The following CD8B2 variants were observed in gnomAD, a reference collection of about 807,000 sequenced individuals.
The protein encoded by CD8B2 is T-cell surface glycoprotein CD8 beta-2 chain.
Under a neutral mutation model 23.7 loss-of-function variants are expected in CD8B2, and 11 were observed. That is an observed-to-expected ratio of 0.46 (90% CI 0.29 to 0.77). CD8B2 has a LOEUF of 0.77. Ranked by LOEUF, CD8B2 falls within the 30% of genes least tolerant of loss-of-function variation. The pLI is 0.09. For missense variants in CD8B2, 197 were observed against 270.5 expected (o/e 0.73, Z 1.91); for synonymous variants, 90 against 109.3 (o/e 0.82, Z 1.10).
At chr2:106,531,593 C>A (rs532658546) in intron 5 of CD8B2, among the ~76,000 whole-genome samples, 2 of 152,234 alleles carry the variant, frequency 1.3e-5, no homozygotes, top group South Asian at 4.1e-4. Flanking sequence ...GTGAGCCTCT[C>A]AAGCCTGGTT....
chr2:106,488,979 T>C (rs1259033348), intron 1 of CD8B2, among the ~76,000 whole-genome samples: 1 of 151,406 alleles, frequency 6.6e-6, no homozygotes, highest in Non-Finnish European at 1.5e-5. Context: ...TTCCTTCTTG[T>C]TTTTATTTTT....
intron 5 of CD8B2, among the ~76,000 whole-genome samples, chr2:106,540,570 CTT>C (rs762740462): frequency 6.8e-6 from 1 of 146,612 alleles, no homozygotes. Context: ...CCAAATACTC[CTT>C]TTTTTTTTTT....
At position 106,510,308 on chromosome 2, in the gene CD8B2, A is replaced by G. The variant is rs1431438035; in HGVS notation, c.*3368A>G. ...TGTGTTTCATTAGTAAAAGTCATCA[A>G]GCTGTACACTCAGATATGTTGACTT... On this transcript the variant is annotated 3_prime_UTR_variant, in exon 6 of 6. Coordinates refer to ENST00000643224, the MANE Select transcript of CD8B2 (RefSeq NM_001349727.2). The G allele has an allele frequency of 6.6e-6, 1 of 152,228 alleles. No individual in the cohort carries two copies. The highest frequency in any genetic ancestry group is 1.9e-4 in the East Asian group (1 of 5,194). 9.4% of individuals were successfully genotyped at this position (152,228 alleles called of 1,614,324 possible).
At chr2:106,530,085 C>T (rs910705551) in intron 5 of CD8B2, among the ~76,000 whole-genome samples, 7 of 152,226 alleles carry the variant, frequency 4.6e-5, no homozygotes, top group Non-Finnish European at 1.0e-4. Flanking sequence ...TGGATGCCAG[C>T]ATGGCTCTGC....
chr2:106,494,156 CTT>C (rs58958773), intron 2 of CD8B2, among the ~76,000 whole-genome samples: 22 of 144,164 alleles, frequency 1.5e-4, no homozygotes, highest in Non-Finnish European at 1.7e-4. Flanking sequence ...CCCCCAACAC[CTT>C]TTTTTTTTTT....
intron 1 of CD8B2, among the ~76,000 whole-genome samples, chr2:106,488,571 C>T (rs1434073058): frequency 6.6e-6 from 1 of 152,208 alleles, no homozygotes. Flanking sequence ...TGCAGCCCCA[C>T]TGTGTGCTCG....
chr2:106,530,871 CCTT>C (rs1225349089), intron 5 of CD8B2, among the ~76,000 whole-genome samples: 5 of 152,242 alleles, frequency 3.3e-5, no homozygotes, highest in Non-Finnish European at 5.9e-5. Flanking sequence ...CCCACCAGCT[CCTT>C]GACAGTTTAC....
At chr2:106,538,218 G>C (rs1680118294) in intron 5 of CD8B2, 1 of 152,176 alleles carries the variant, frequency 6.6e-6, no homozygotes, top group Non-Finnish European at 1.5e-5. Flanking sequence ...CCAGTGATTT[G>C]AGAAACGGGA....
At chr2:106,528,402 C>T (rs1364272568) in intron 5 of CD8B2, among the ~76,000 whole-genome samples, 3 of 152,002 alleles carry the variant, frequency 2.0e-5, no homozygotes, top group Non-Finnish European at 4.4e-5. Context: ...GTAACTCATA[C>T]AGTTAGTTCT....
At chr2:106,493,427 C>T (rs1394231558) in intron 2 of CD8B2, among the ~76,000 whole-genome samples, 3 of 152,216 alleles carry the variant, frequency 2.0e-5, no homozygotes, top group Non-Finnish European at 4.4e-5. Context: ...CTCCCCTAGA[C>T]CCAGGCGGCG....
At chr2:106,538,550 A>G (rs550328702) in intron 5 of CD8B2, among the ~76,000 whole-genome samples, 1 of 152,228 alleles carries the variant, frequency 6.6e-6, no homozygotes, top group South Asian at 2.1e-4. Context: ...CACAAAGTGC[A>G]TTTACCTTGG....
chr2:106,526,862 G>T (rs1210005015), intron 5 of CD8B2, among the ~76,000 whole-genome samples: 4 of 152,078 alleles, frequency 2.6e-5, no homozygotes, highest in African/African-American at 9.7e-5. Context: ...GGCTGGTCTC[G>T]AACTCCTGAC....
rs1233860141 is a variant in CD8B2, at chr2:106,507,674, G to A, written c.*734G>A. The A allele has an allele frequency of 2.1e-6, 2 of 950,670 alleles. No homozygotes were observed. Among genetic ancestry groups the A allele is most frequent in the African/African-American group, 3.5e-5 (2 of 56,520 alleles). 58.9% of individuals were successfully genotyped at this position (950,670 alleles called of 1,614,324 possible). ...AGGTTAAAGATAACAAACGGGTCCT[G>A]TGACATAAACGTACGAAAGCCCATC... On this transcript the variant is annotated 3_prime_UTR_variant, in exon 6 of 6. Transcript: ENST00000643224.
intron 5 of CD8B2, chr2:106,522,123 T>C (rs1347154486): frequency 6.6e-6 from 1 of 152,230 alleles, no homozygotes; most frequent in Non-Finnish European, 1.5e-5. Context: ...TCTCACTCGC[T>C]TGTTTCTCCT....
intron 5 of CD8B2, among the ~76,000 whole-genome samples, chr2:106,516,796 A>C (rs1679735937): frequency 6.6e-6 from 1 of 152,032 alleles, no homozygotes; most frequent in Admixed American, 6.6e-5. Flanking sequence ...AAATTTAAAA[A>C]ATGGTTGACT....
At chr2:106,522,308 A>G (rs1679839062) in intron 5 of CD8B2, 1 of 152,216 alleles carries the variant, frequency 6.6e-6, no homozygotes, top group Non-Finnish European at 1.5e-5. Context: ...ATTAAATAAT[A>G]TCAGTGATAT....
rs546264485 is a variant in CD8B2 at position 106,499,488 on chromosome 2, C to T, written c.494-2986C>T. Among the ~76,000 whole-genome samples the T allele has an allele frequency of 1.5e-4, 22 of 146,440 alleles. 1 individual carries two copies. In the South Asian group the frequency reaches 4.1e-3, roughly 27 times the overall value. On this transcript the variant is annotated intron_variant, in intron 3 of 5. Transcript: ENST00000643224. ...TGGAGGTTGTGGTGAGCCGAGATCA[C>T]GCCATTGCACTTCAGCCTGGGCGAC...
rs1238909602 is a variant in CD8B2, at chr2:106,507,157, C to T, written c.*217C>T. On this transcript the variant is annotated 3_prime_UTR_variant, in exon 6 of 6. Transcript: ENST00000643224. ...GAATACTAGGGAGAAGGTTTCATTG[C>T]CCCCAGGGCACTTCACAGAGTGTGC... 2 of 1,396,758 alleles carry T rather than the reference C, an allele frequency of 1.4e-6. No homozygotes were observed. Among genetic ancestry groups the T allele is most frequent in the Non-Finnish European group, 1.9e-6 (2 of 1,071,548 alleles). 86.5% of individuals were successfully genotyped at this position (1,396,758 alleles called of 1,614,324 possible).
At chr2:106,499,523 C>A (rs1433770183) in intron 3 of CD8B2, among the ~76,000 whole-genome samples, 5 of 105,938 alleles carry the variant, frequency 4.7e-5, no homozygotes, top group South Asian at 3.8e-4. Flanking sequence ...CAGAGCAAGA[C>A]CCTGTCTCAA....
Sources: allele counts gnomAD v4.1 joint callset (sites outside exome capture counted in the v4.1 genomes callset), GRCh38; gene constraint gnomAD v4.1.1; transcripts MANE v1.5; gene names NCBI Gene and HGNC (gene_info 2026-07-23, HGNC 2026-07-21).